C6orf89: variants seen among roughly 807,000 people sequenced by gnomAD.
C6orf89 encodes the protein bombesin receptor-activated protein C6orf89.
C6orf89 carries 29 observed loss-of-function variants against 40.7 expected under a neutral mutation model. The observed-to-expected ratio is 0.71, with a 90% CI of 0.53 to 0.97. The LOEUF (loss-of-function observed/expected upper bound fraction) is 0.97. Among genes scored for constraint, C6orf89 ranks in the 50% least tolerant of loss-of-function variants. C6orf89 has a pLI of 0.00. For synonymous variants in C6orf89, 165 were observed against 152.2 expected (o/e 1.08, Z -0.62); for missense variants, 392 against 429.1 (o/e 0.91, Z 0.76).
intron 7 of C6orf89, among the ~76,000 whole-genome samples, chr6:36,917,853 T>C (rs1762380105): frequency 6.6e-6 from 1 of 152,182 alleles, no homozygotes; most frequent in African/African-American, 2.4e-5. Flanking sequence ...AAAGTTAATT[T>C]CTCCAGCGTG....
intron 4 of C6orf89, among the ~76,000 whole-genome samples, chr6:36,913,821 C>G (rs1044914023): frequency 5.4e-5 from 8 of 149,252 alleles, no homozygotes; most frequent in Admixed American, 2.7e-4. Flanking sequence ...TTCATATATA[C>G]CTTACCTTTT....
At chr6:36,917,887 A>G (rs1274165230) in intron 7 of C6orf89, among the ~76,000 whole-genome samples, 1 of 152,232 alleles carries the variant, frequency 6.6e-6, no homozygotes, top group Non-Finnish European at 1.5e-5. Flanking sequence ...AGCCCAGCCA[A>G]AGGAGTAAAT....
intron 2 of C6orf89, among the ~76,000 whole-genome samples, chr6:36,897,129 CAAAAAAAAAA>C (rs34191608): frequency 4.7e-5 from 4 of 85,366 alleles, no homozygotes; most frequent in Middle Eastern, 6.6e-3. Flanking sequence ...GACTCTGTCT[CAAAAAAAAAA>C]AAAAAAAAAA....
chr6:36,894,440 C>A, intron 1 of C6orf89, 64 bp from the exon 2 acceptor site: 1 of 702,210 alleles, frequency 1.4e-6, no homozygotes, highest in Non-Finnish European at 1.8e-6. Context: ...ATCTCAGAAT[C>A]ACTGATCACA....
chr6:36,872,152 G>GTA (rs1046353261), intron 1 of C6orf89, among the ~76,000 whole-genome samples: 32 of 151,322 alleles, frequency 2.1e-4, no homozygotes, highest in African/African-American at 3.9e-4. Context: ...ATATACATAT[G>GTA]TATATATATA....
intron 1 of C6orf89, among the ~76,000 whole-genome samples, chr6:36,875,451 G>T (rs1774626865): frequency 6.6e-6 from 1 of 152,238 alleles, no homozygotes; most frequent in African/African-American, 2.4e-5. Context: ...ATAAAGAAAG[G>T]AAGAGACAGG....
At chr6:36,905,895 C>A (rs1015187038) in intron 4 of C6orf89, among the ~76,000 whole-genome samples, 2 of 152,174 alleles carry the variant, frequency 1.3e-5, no homozygotes, top group Non-Finnish European at 2.9e-5. Context: ...GGCAAAATCA[C>A]ACTTGAACCC....
intron 1 of C6orf89, among the ~76,000 whole-genome samples, 189 bp from the exon 2 acceptor site, chr6:36,894,315 G>A (rs1006665751): frequency 2.0e-5 from 3 of 152,158 alleles, no homozygotes; most frequent in African/African-American, 2.4e-5. Context: ...CCTCTACTGA[G>A]TTTTAATGGG....
intron 2 of C6orf89, among the ~76,000 whole-genome samples, chr6:36,896,660 A>G (rs1761439493): frequency 6.6e-6 from 1 of 152,084 alleles, no homozygotes; most frequent in Non-Finnish European, 1.5e-5. Flanking sequence ...TTTAATTTTG[A>G]TGAAGTCCAA....
intron 4 of C6orf89, among the ~76,000 whole-genome samples, chr6:36,909,782 C>CA (rs34739520): frequency 0.013 from 1,136 of 90,792 alleles, 7 homozygotes; most frequent in African/African-American, 0.025. Flanking sequence ...GAGCCTGTCT[C>CA]AAAAAAAAAA....
intron 4 of C6orf89, among the ~76,000 whole-genome samples, chr6:36,911,931 C>CA (rs1554137391): frequency 3.5e-4 from 9 of 25,888 alleles, no homozygotes; most frequent in African/African-American, 8.4e-4. Context: ...TCACAGTGAA[C>CA]CCCCCCCCCC....
chr6:36,906,342 T>G (rs1421108117), intron 4 of C6orf89, among the ~76,000 whole-genome samples: 2 of 152,248 alleles, frequency 1.3e-5, no homozygotes, highest in East Asian at 3.8e-4. Context: ...GTCAAGCACT[T>G]ACTGTATACC....
intron 1 of C6orf89, among the ~76,000 whole-genome samples, chr6:36,886,469 G>T (rs1367197755): frequency 6.6e-6 from 1 of 152,108 alleles, no homozygotes; most frequent in Non-Finnish European, 1.5e-5. Context: ...TGTGTACTTG[G>T]TATGTGATAA....
chr6:36,904,046 G>A (rs1761832731), intron 4 of C6orf89, among the ~76,000 whole-genome samples: 2 of 152,096 alleles, frequency 1.3e-5, no homozygotes, highest in Non-Finnish European at 2.9e-5. Flanking sequence ...AGTTAGGCCA[G>A]TCTGTGCCTC....
intron 1 of C6orf89, among the ~76,000 whole-genome samples, chr6:36,887,477 A>G (rs577047100): frequency 3.3e-4 from 50 of 152,172 alleles, no homozygotes; most frequent in Non-Finnish European, 5.9e-4. Flanking sequence ...GTAGACAGGA[A>G]AATAGATGTA....
intron 1 of C6orf89, among the ~76,000 whole-genome samples, chr6:36,889,582 C>CAAAAAAAAAAAAAAAAAAAAAAAA (rs58417436): frequency 3.6e-5 from 5 of 140,452 alleles, no homozygotes; most frequent in African/African-American, 1.0e-4. Context: ...AAAACAAAAA[C>CAAAAAAAAAAAAAAAAAAAAAAAA]AAAAAAAAAA....
intron 1 of C6orf89, among the ~76,000 whole-genome samples, chr6:36,875,569 G>T (rs558687070): frequency 6.6e-6 from 1 of 152,262 alleles, no homozygotes; most frequent in Admixed American, 6.5e-5. Context: ...AGGAACAGAA[G>T]CAAATTAGAG....
intron 1 of C6orf89, among the ~76,000 whole-genome samples, chr6:36,886,702 T>C (rs1561856849): frequency 6.6e-6 from 1 of 152,230 alleles, no homozygotes; most frequent in Non-Finnish European, 1.5e-5. Context: ...TAAATCACTT[T>C]ATAATAGAGA....
At chr6:36,871,921 G>A (rs775924849) in exon 1 of C6orf89, 183 of 1,488,664 alleles carry the variant, frequency 1.2e-4, no homozygotes, top group Non-Finnish European at 1.6e-4. Context: ...GGTCAGGGCA[G>A]ACAGGAGTAT....
Sources: gnomAD v4.1 joint callset for allele counts (sites outside exome capture counted in the v4.1 genomes callset) on GRCh38, gnomAD v4.1.1 for gene constraint, MANE v1.5 for transcripts, NCBI Gene and HGNC (gene_info 2026-07-23, HGNC 2026-07-21) for gene names.